The following MAGI1 variants were observed in gnomAD, a reference collection of about 807,000 sequenced individuals.
The protein encoded by MAGI1 is membrane-associated guanylate kinase, WW and PDZ domain-containing protein 1.
In MAGI1, 58 loss-of-function variants were observed where a neutral mutation model predicts 139.9. The ratio of observed to expected loss-of-function variants is 0.41; its 90% CI spans 0.34 to 0.52. The LOEUF (loss-of-function observed/expected upper bound fraction) is 0.52. Among genes scored for constraint, MAGI1 ranks in the 20% least tolerant of loss-of-function variants. The probability of loss-of-function intolerance (pLI) is 0.12; values close to 1 mark genes in which losing one functional copy is unlikely to be tolerated. For missense variants in MAGI1, 1,874 were observed against 1,901.6 expected (o/e 0.99, Z 0.27); for synonymous variants, 812 against 737.9 (o/e 1.10, Z -1.63).
Position 65,463,468 on chromosome 3 carries a change from G to A in MAGI1, c.959+6815C>T, listed in dbSNP as rs1949951582. Among the ~76,000 whole-genome samples, 3 of 152,108 alleles carry A rather than the reference G, an allele frequency of 2.0e-5. No individual in the cohort carries two copies. The South Asian group carries it at 6.2e-4, about 32-fold the overall frequency. On this transcript the variant is annotated intron_variant, in intron 5 of 22. Transcript: ENST00000402939. Reference sequence around the variant, plus strand: ...GGATGAAGCTGACTTGATCGTGGTGGATAAGCTTTTTAAAGTGCTGCTGGA... The same window carrying A: ...GGATGAAGCTGACTTGATCGTGGTGAATAAGCTTTTTAAAGTGCTGCTGGA...
At chr3:65,638,316 T>C (rs372558339) in intron 1 of MAGI1, among the ~76,000 whole-genome samples, 1 of 152,168 alleles carries the variant, frequency 6.6e-6, no homozygotes, top group Non-Finnish European at 1.5e-5. Context: ...TTTCATGAAA[T>C]TCTATTCTCC....
chr3:66,038,425 A>G lies in MAGI1; in HGVS notation c.-117T>C. The stretch of plus-strand genomic sequence containing the variant: ...AACATCTCTCCCCAAATCACAAAAC[A>G]GGAGAGAGAAACTTGGCAGCCTCGC... On this transcript the variant is annotated 5_prime_UTR_variant, in exon 1 of 23. Transcript: ENST00000402939. The G allele has an allele frequency of 7.2e-7, 1 of 1,382,610 alleles. No individual in the cohort carries two copies. The highest frequency in any genetic ancestry group is 9.5e-7 in the Non-Finnish European group (1 of 1,047,286). 85.6% of individuals were successfully genotyped at this position (1,382,610 alleles called of 1,614,324 possible).
intron 1 of MAGI1, among the ~76,000 whole-genome samples, chr3:66,019,413 A>G (rs985950146): frequency 6.6e-6 from 1 of 152,160 alleles, no homozygotes; most frequent in African/African-American, 2.4e-5. Context: ...GACATTGCCA[A>G]ATGTTCCCTG....
At position 65,430,113 on chromosome 3, in the gene MAGI1, G is replaced by A; in HGVS notation, c.1574C>T (p.Thr525Ile). ...TGDVIVSVND[T>I]CVLGHTHAQV... ...AGCATGTGTGTGTCCCAAAACACAG[G>A]TGTCATTCACACTTACAATCACATC... Residue 525 changes from threonine (T) to isoleucine (I), a missense_variant, in exon 12 of 23, where the codon ACC becomes ATC. By Grantham distance (89) the Thr-to-Ile change is moderately conservative. This residue lies in a region of MAGI1 where 86 missense variants were observed against 130.0 expected (regional missense o/e 0.66). Coordinates refer to ENST00000402939, the MANE Select transcript of MAGI1 (RefSeq NM_001033057.2). 6.2e-7 allele frequency: 1 copy of A among 1,613,522 alleles called. No individual in the cohort carries two copies. Among genetic ancestry groups the A allele is most frequent in the South Asian group, 1.1e-5 (1 of 91,068 alleles).
chr3:65,630,998 T>C (rs902726792), intron 1 of MAGI1, among the ~76,000 whole-genome samples: 2 of 152,264 alleles, frequency 1.3e-5, no homozygotes, highest in African/African-American at 4.8e-5. Flanking sequence ...GGACGTGGTC[T>C]AAATATCAAC....
chr3:66,026,121 G>A (rs1464118987), intron 1 of MAGI1, among the ~76,000 whole-genome samples: 1 of 151,912 alleles, frequency 6.6e-6, no homozygotes, highest in African/African-American at 2.4e-5. Flanking sequence ...GATGGAGGAG[G>A]AAATGAACAT....
chr3:65,667,526 G>A (rs72908137), intron 1 of MAGI1, among the ~76,000 whole-genome samples: 278 of 152,294 alleles, frequency 1.8e-3, no homozygotes, highest in African/African-American at 6.3e-3. Flanking sequence ...GAATGACTGT[G>A]TTCTCAGGAT....
At chr3:65,880,848 A>C (rs1331159512) in intron 1 of MAGI1, among the ~76,000 whole-genome samples, 1 of 151,926 alleles carries the variant, frequency 6.6e-6, no homozygotes, top group Non-Finnish European at 1.5e-5. Flanking sequence ...GACACATCTC[A>C]GCAATATCTC....
At chr3:65,577,032 C>CCA (rs2081207683) in intron 2 of MAGI1, among the ~76,000 whole-genome samples, 1 of 152,104 alleles carries the variant, frequency 6.6e-6, no homozygotes, top group Non-Finnish European at 1.5e-5. Context: ...CTTTCACATA[C>CCA]CATGGCACAT....
rs144071408 is a variant in MAGI1, at chr3:65,430,273, T to C, written c.1547-133A>G. On this transcript the variant is annotated intron_variant, in intron 11 of 22. Transcript: ENST00000402939. ...TGTGATACTATAGGGTATAAAGTGC[T>C]TCTATTACTGATTTTAACAGCTAAT... The C allele has an allele frequency of 4.8e-4, 409 of 854,640 alleles. 1 individual carries two copies. The African/African-American group carries it at 5.8e-3, about 12-fold the overall frequency. The allele number at this position is 854,640 out of a possible 1,614,324, so 52.9% of individuals were successfully genotyped here.
intron 2 of MAGI1, among the ~76,000 whole-genome samples, chr3:65,617,527 G>A (rs2083440013): frequency 6.6e-6 from 1 of 152,202 alleles, no homozygotes. Flanking sequence ...ATCAATGCAG[G>A]AGGTACGGTG....
chr3:65,597,098 G>A (rs548179046), intron 2 of MAGI1, among the ~76,000 whole-genome samples: 9 of 151,894 alleles, frequency 5.9e-5, no homozygotes, highest in Admixed American at 2.0e-4. Flanking sequence ...CCTGGGCGCC[G>A]GAACAATGCA....
At chr3:65,741,706 T>C (rs1334799809) in intron 1 of MAGI1, among the ~76,000 whole-genome samples, 1 of 152,162 alleles carries the variant, frequency 6.6e-6, no homozygotes, top group Non-Finnish European at 1.5e-5. Flanking sequence ...GTTAATGGCT[T>C]TAATGCTGAG....
chr3:65,691,817 A>G (rs1399346741), intron 1 of MAGI1, among the ~76,000 whole-genome samples: 1 of 152,212 alleles, frequency 6.6e-6, no homozygotes, highest in African/African-American at 2.4e-5. Context: ...CATCTGAGCA[A>G]GAAGAAAAAG....
rs1277990014 is a variant in MAGI1 at position 65,840,835 on chromosome 3, A to G, written c.313+197161T>C. Among the ~76,000 whole-genome samples, 5 of 152,164 alleles carry G rather than the reference A, an allele frequency of 3.3e-5. No homozygotes were observed. In the South Asian group the frequency reaches 8.3e-4, roughly 25 times the overall value. ...AGTTAGAATTATTTCCTCTTCTTCT[A>G]TTTTCTGGAAGAAATTATATACAGT... On this transcript the variant is annotated intron_variant, in intron 1 of 22. Transcript: ENST00000402939.
chr3:65,605,477 G>A (rs2082692517), intron 2 of MAGI1, among the ~76,000 whole-genome samples: 1 of 152,130 alleles, frequency 6.6e-6, no homozygotes, highest in Non-Finnish European at 1.5e-5. Context: ...AAGTAATTGT[G>A]CTTCCTGTAG....
At chr3:65,493,747 T>G in intron 2 of MAGI1, 116 bp from the exon 3 acceptor site, 1 of 1,175,314 alleles carries the variant, frequency 8.5e-7, no homozygotes, top group African/African-American at 1.5e-5. Flanking sequence ...AAGACTCTGC[T>G]GCCTCATCTG....
At chr3:65,445,282 G>A (rs1451437056) in intron 7 of MAGI1, among the ~76,000 whole-genome samples, 1 of 152,146 alleles carries the variant, frequency 6.6e-6, no homozygotes, top group Non-Finnish European at 1.5e-5. Flanking sequence ...TACCTCAAAA[G>A]TCAATGGTGG....
intron 1 of MAGI1, among the ~76,000 whole-genome samples, chr3:65,636,544 A>G (rs1004809997): frequency 6.6e-6 from 1 of 152,112 alleles, no homozygotes; most frequent in Non-Finnish European, 1.5e-5. Flanking sequence ...ATGTAAGACA[A>G]CCCTATCACA....
Sources: gnomAD v4.1 joint callset for allele counts (sites outside exome capture counted in the v4.1 genomes callset) on GRCh38, gnomAD v4.1.1 for gene constraint, gnomAD v4.1.1 regional missense constraint, MANE v1.5 for transcripts, NCBI Gene and HGNC (gene_info 2026-07-23, HGNC 2026-07-21) for gene names.